Variants in PAX3 observed in about 807,000 individuals in gnomAD.
The protein encoded by PAX3 is paired box 3, also known as paired box protein Pax-3.
A neutral mutation model predicts 51.6 loss-of-function variants in PAX3; 14 were observed. The ratio of observed to expected loss-of-function variants is 0.27; its 90% confidence interval spans 0.18 to 0.42. The LOEUF is 0.42. Ranked by LOEUF, PAX3 falls within the 10% of genes least tolerant of loss-of-function variation. The pLI, the probability that PAX3 is intolerant of heterozygous loss-of-function variation, is 1.00. For missense variants in PAX3, 540 were observed against 642.8 expected (o/e 0.84, Z 1.73); for synonymous variants, 280 against 253.4 (o/e 1.11, Z -1.00).
chr2:222,222,968 T>G (rs1384936646), intron 5 of PAX3, among the ~76,000 whole-genome samples: 5 of 152,244 alleles, frequency 3.3e-5, no homozygotes, highest in African/African-American at 1.2e-4. Flanking sequence ...ACATCCATCC[T>G]GTCCTACAGG....
chr2:222,288,671 A>G (rs1414488240), intron 4 of PAX3, among the ~76,000 whole-genome samples: 2 of 152,194 alleles, frequency 1.3e-5, no homozygotes, highest in Non-Finnish European at 2.9e-5. Context: ...CAAAATGAGA[A>G]TCTATTTGAT....
rs963291726 is a variant in PAX3 at position 222,206,392 on chromosome 2, T to TA, written c.1174-4203dup. ...TTTTTACTTTTAGTTGTGAACCATCTAAAAAAAAAAAATCTGTTGAGCAGA... is the reference window on the plus strand; with the variant it reads ...TTTTTACTTTTAGTTGTGAACCATCTAAAAAAAAAAAAATCTGTTGAGCAGA... On this transcript the variant is annotated intron_variant, in intron 7 of 8. Coordinates refer to ENST00000392070, the MANE Select transcript of PAX3 (RefSeq NM_181458.4). Among the ~76,000 whole-genome samples, 803 of 145,028 alleles carry TA rather than the reference T, an allele frequency of 5.5e-3. 7 individuals carry two copies. Among genetic ancestry groups the TA allele is most frequent in the African/African-American group, 7.1e-3 (284 of 39,836 alleles).
intron 4 of PAX3, among the ~76,000 whole-genome samples, chr2:222,251,798 C>G (rs906172927): frequency 2.0e-5 from 3 of 152,126 alleles, no homozygotes; most frequent in Non-Finnish European, 4.4e-5. Flanking sequence ...TAATGATCAC[C>G]ACTCTAACTG....
intron 4 of PAX3, among the ~76,000 whole-genome samples, chr2:222,276,463 C>T (rs1694423947): frequency 6.6e-6 from 1 of 152,190 alleles, no homozygotes; most frequent in Non-Finnish European, 1.5e-5. Context: ...TCCATCCTTG[C>T]CCTGATTCCC....
At chr2:222,228,392 C>G (rs564974377) in intron 5 of PAX3, among the ~76,000 whole-genome samples, 52 of 152,274 alleles carry the variant, frequency 3.4e-4, no homozygotes, top group African/African-American at 1.2e-3. Context: ...CCCATGTCCT[C>G]TGAAAGTTAA....
intron 6 of PAX3, 51 bp from the exon 7 acceptor site, chr2:222,220,405 G>T: frequency 6.3e-7 from 1 of 1,575,460 alleles, no homozygotes; most frequent in Non-Finnish European, 8.7e-7. Flanking sequence ...GGCCAGCAGA[G>T]AAAGTTCAGT....
At chr2:222,202,387 G>T (rs933807834) in intron 7 of PAX3, among the ~76,000 whole-genome samples, 197 bp from the exon 8 acceptor site, 1 of 151,984 alleles carries the variant, frequency 6.6e-6, no homozygotes, top group Non-Finnish European at 1.5e-5. Flanking sequence ...GACTGCAGTT[G>T]CAGAAGAAGG....
chr2:222,212,687 T>C (rs950126030), intron 7 of PAX3, among the ~76,000 whole-genome samples: 9 of 151,466 alleles, frequency 5.9e-5, no homozygotes, highest in African/African-American at 2.2e-4. Flanking sequence ...CTAAATCAAG[T>C]CTTCTGTGTC....
At chr2:222,202,322 T>C in intron 7 of PAX3, 132 bp from the exon 8 acceptor site, 1 of 747,962 alleles carries the variant, frequency 1.3e-6, no homozygotes. Flanking sequence ...TCCAGGAGAC[T>C]ATGAACCCAA....
intron 4 of PAX3, among the ~76,000 whole-genome samples, chr2:222,276,056 G>C (rs539332540): frequency 1.1e-4 from 17 of 152,274 alleles, no homozygotes; most frequent in African/African-American, 4.1e-4. Context: ...TTCTAGCTTT[G>C]TGGTCAGTAG....
intron 4 of PAX3, among the ~76,000 whole-genome samples, chr2:222,251,126 T>G (rs982167080): frequency 1.3e-5 from 2 of 152,186 alleles, no homozygotes; most frequent in Non-Finnish European, 2.9e-5. Flanking sequence ...TATTATACTT[T>G]AAGTTTTAGG....
chr2:222,255,814 C>G (rs941861120), intron 4 of PAX3, among the ~76,000 whole-genome samples: 1 of 146,186 alleles, frequency 6.8e-6, no homozygotes, highest in Non-Finnish European at 1.5e-5. Flanking sequence ...CAGAGTCTCA[C>G]TCTGTCGCCC....
intron 7 of PAX3, among the ~76,000 whole-genome samples, chr2:222,209,930 C>T (rs1559255569): frequency 6.6e-6 from 1 of 151,796 alleles, no homozygotes; most frequent in Non-Finnish European, 1.5e-5. Context: ...GAATTTCTAC[C>T]AACTCTACAA....
At chr2:222,221,438 A>C (rs1692189434) in intron 5 of PAX3, 51 bp from the exon 6 acceptor site, 1 of 1,508,798 alleles carries the variant, frequency 6.6e-7, no homozygotes, top group Non-Finnish European at 9.2e-7. Flanking sequence ...ATAATAGTAC[A>C]TTCTTAATGA....
chr2:222,283,162 T>A (rs1236582220), intron 4 of PAX3, among the ~76,000 whole-genome samples: 1 of 152,246 alleles, frequency 6.6e-6, no homozygotes. Context: ...CTACATGTTG[T>A]TAAATAAGTC....
chr2:222,274,764 T>C (rs1694362531), intron 4 of PAX3, among the ~76,000 whole-genome samples: 1 of 152,178 alleles, frequency 6.6e-6, no homozygotes, highest in Admixed American at 6.5e-5. Context: ...GATGGAGTAC[T>C]GCTCACCACC....
intron 4 of PAX3, among the ~76,000 whole-genome samples, chr2:222,260,413 G>A (rs1460330971): frequency 6.6e-6 from 1 of 152,016 alleles, no homozygotes; most frequent in Non-Finnish European, 1.5e-5. Context: ...ATCACTGCTG[G>A]ATGATCATAG....
intron 4 of PAX3, among the ~76,000 whole-genome samples, chr2:222,241,033 C>T (rs894230943): frequency 6.6e-6 from 1 of 152,084 alleles, no homozygotes; most frequent in African/African-American, 2.4e-5. Flanking sequence ...AACTTTCTCC[C>T]CACCTAAGAG....
At chr2:222,251,499 C>T (rs1177370371) in intron 4 of PAX3, among the ~76,000 whole-genome samples, 1 of 152,134 alleles carries the variant, frequency 6.6e-6, no homozygotes, top group African/African-American at 2.4e-5. Flanking sequence ...TTTCTTAATC[C>T]AGTCTATCAT....
Sources: allele counts gnomAD v4.1 joint callset (sites outside exome capture counted in the v4.1 genomes callset), GRCh38; gene constraint gnomAD v4.1.1; transcripts MANE v1.5; gene names NCBI Gene and HGNC (gene_info 2026-07-23, HGNC 2026-07-21).